SNX7: variants seen among roughly 807,000 people sequenced by gnomAD.
The protein encoded by SNX7 is sorting nexin-7.
A neutral mutation model predicts 48.4 loss-of-function variants in SNX7; 35 were observed. The ratio of observed to expected loss-of-function variants is 0.72; its 90% confidence interval spans 0.55 to 0.96. The LOEUF (loss-of-function observed/expected upper bound fraction) is 0.96. Among genes scored for constraint, SNX7 ranks in the 40% least tolerant of loss-of-function variants. The pLI is 0.00. For missense variants in SNX7, 553 were observed against 548.9 expected (o/e 1.01, Z -0.07); for synonymous variants, 190 against 190.2 (o/e 1.00, Z 0.01).
chr1:98,742,727 C>A (rs1337557999), intron 8 of SNX7, among the ~76,000 whole-genome samples: 1 of 151,878 alleles, frequency 6.6e-6, no homozygotes, highest in African/African-American at 2.4e-5. Flanking sequence ...ATCCTTTCTC[C>A]TAGGGAGTGG....
intron 7 of SNX7, among the ~76,000 whole-genome samples, chr1:98,711,465 A>G (rs750212894): frequency 6.6e-6 from 1 of 152,242 alleles, no homozygotes; most frequent in Non-Finnish European, 1.5e-5. Context: ...GACTGCCACA[A>G]TAAAGCAAGT....
chr1:98,694,688 A>G (rs1031739084), intron 4 of SNX7, among the ~76,000 whole-genome samples: 3 of 133,572 alleles, frequency 2.2e-5, no homozygotes, highest in African/African-American at 8.7e-5. Context: ...GCTCACTGCA[A>G]CCTCTGCCTC....
In SNX7 at chr1:98,661,763, C is replaced by T. The variant is rs910223151; in HGVS notation, c.32C>T (p.Pro11Leu). 1.6e-6 allele frequency: 2 copies of T among 1,239,766 alleles called. No individual in the cohort carries two copies. The highest frequency in any genetic ancestry group is 6.4e-5 in the East Asian group (2 of 31,488). The allele number at this position is 1,239,766 out of a possible 1,614,324, so 76.8% of individuals were successfully genotyped here. A position where few individuals can be genotyped will look rare whatever the true frequency, so the allele number is the denominator to read the frequency against. Residue 11 changes from proline to leucine, a missense_variant, in exon 1 of 9, where the codon CCC becomes CTC. Pro to Leu is a moderately conservative substitution (Grantham distance 98). Transcript: ENST00000306121. Reference protein sequence around the residue: MEGERRASQAPSSGLPAGGAN... With the variant: MEGERRASQALSSGLPAGGAN... ...GGCGAGCGCCGGGCATCGCAGGCGC[C>T]CTCCTCGGGCCTCCCGGCCGGGGGC... is the stretch of plus-strand genomic sequence containing the variant.
At chr1:98,754,056 C>A (rs1295504939) in intron 8 of SNX7, among the ~76,000 whole-genome samples, 1 of 151,936 alleles carries the variant, frequency 6.6e-6, no homozygotes, top group African/African-American at 2.4e-5. Context: ...GGTTGTGGAA[C>A]TTCTCCTTTA....
At chr1:98,686,932 A>G (rs1260303590) in intron 2 of SNX7, among the ~76,000 whole-genome samples, 3 of 152,190 alleles carry the variant, frequency 2.0e-5, no homozygotes, top group Non-Finnish European at 4.4e-5. Flanking sequence ...CTCTTTCTAA[A>G]GCCACCTTGT....
At chr1:98,750,297 A>T (rs10875180) in intron 8 of SNX7, among the ~76,000 whole-genome samples, 35,278 of 151,874 alleles carry the variant, frequency 0.23, 4,657 homozygotes, top group African/African-American at 0.36. Context: ...TTATGTAGGC[A>T]TCACATGGTG....
chr1:98,747,765 TTTTA>T lies in SNX7; in HGVS notation c.1278+9384_1278+9387del, dbSNP rs1453637626. ...AAGTTTAAATGCAGCAGGATTTTAT[TTTTA>T]TTTATTTCTAAAGAAACTTTAGAAT... On this transcript the variant is annotated intron_variant, in intron 8 of 8. Coordinates refer to ENST00000306121, the MANE Select transcript of SNX7 (RefSeq NM_015976.5). 5.3e-5 allele frequency among the ~76,000 whole-genome samples: 8 copies of T among 152,200 alleles called. No individual in the cohort carries two copies. The South Asian group carries it at 1.7e-3, about 32-fold the overall frequency.
intron 1 of SNX7, among the ~76,000 whole-genome samples, chr1:98,677,661 C>T (rs1005449531): frequency 5.3e-5 from 8 of 152,062 alleles, no homozygotes; most frequent in African/African-American, 1.9e-4. Flanking sequence ...GGGTGGATCA[C>T]GAGGTCAGGA....
intron 1 of SNX7, among the ~76,000 whole-genome samples, chr1:98,671,023 A>G (rs995148382): frequency 6.6e-6 from 1 of 152,212 alleles, no homozygotes; most frequent in Non-Finnish European, 1.5e-5. Context: ...TTTTAAAGAT[A>G]AAGTTTTATG....
At chr1:98,737,407 C>T (rs1570592906) in intron 7 of SNX7, among the ~76,000 whole-genome samples, 1 of 152,248 alleles carries the variant, frequency 6.6e-6, no homozygotes, top group East Asian at 1.9e-4. Flanking sequence ...CTCCCCAGTA[C>T]AGTATAAGCT....
At chr1:98,730,726 C>T (rs1653465524) in intron 7 of SNX7, among the ~76,000 whole-genome samples, 1 of 152,046 alleles carries the variant, frequency 6.6e-6, no homozygotes, top group African/African-American at 2.4e-5. Context: ...AGGAGAATGC[C>T]AAACCATTGC....
intron 8 of SNX7, among the ~76,000 whole-genome samples, chr1:98,749,254 A>G (rs1221930037): frequency 6.6e-6 from 1 of 152,160 alleles, no homozygotes; most frequent in African/African-American, 2.4e-5. Flanking sequence ...AATAAATTTT[A>G]TCTAGGGCTC....
At chr1:98,664,268 GA>G (rs1415052967) in intron 1 of SNX7, among the ~76,000 whole-genome samples, 9 of 152,142 alleles carry the variant, frequency 5.9e-5, no homozygotes, top group Non-Finnish European at 5.9e-5. Flanking sequence ...TAAAGAGTAT[GA>G]ATTTCCCCAG....
intron 1 of SNX7, among the ~76,000 whole-genome samples, chr1:98,674,800 T>A (rs922890393): frequency 3.3e-5 from 5 of 152,210 alleles, no homozygotes; most frequent in African/African-American, 1.2e-4. Flanking sequence ...AGTGGATGTA[T>A]TGTTTTGGAG....
At chr1:98,696,047 A>T (rs1651438668) in intron 5 of SNX7, among the ~76,000 whole-genome samples, 1 of 152,196 alleles carries the variant, frequency 6.6e-6, no homozygotes. Context: ...TTCAGGAAAT[A>T]GGGTTTTCAT....
chr1:98,757,954 C>A (rs1321410329), intron 8 of SNX7, among the ~76,000 whole-genome samples: 1 of 152,058 alleles, frequency 6.6e-6, no homozygotes, highest in Non-Finnish European at 1.5e-5. Flanking sequence ...TTAGGACACT[C>A]CAATGTGACT....
At chr1:98,728,713 G>A (rs1016049413) in intron 7 of SNX7, among the ~76,000 whole-genome samples, 5 of 152,092 alleles carry the variant, frequency 3.3e-5, no homozygotes, top group Admixed American at 6.6e-5. Context: ...ATTACATAAT[G>A]GTAAAGGGTT....
intron 7 of SNX7, among the ~76,000 whole-genome samples, chr1:98,713,447 C>CTT (rs141771078): frequency 2.7e-4 from 41 of 151,078 alleles, no homozygotes; most frequent in African/African-American, 4.4e-4. Flanking sequence ...AGCAATAAGG[C>CTT]TTTTTTTTTG....
At chr1:98,682,982 A>G (rs559253052) in intron 1 of SNX7, among the ~76,000 whole-genome samples, 189 of 152,108 alleles carry the variant, frequency 1.2e-3, no homozygotes, top group African/African-American at 4.3e-3. Context: ...TTTCTGTTGC[A>G]TTTTTATATT....
Sources: gnomAD v4.1 joint callset for allele counts (sites outside exome capture counted in the v4.1 genomes callset) on GRCh38, gnomAD v4.1.1 for gene constraint, MANE v1.5 for transcripts, NCBI Gene and HGNC (gene_info 2026-07-23, HGNC 2026-07-21) for gene names.